Variants in CFAP36 observed in about 807,000 individuals in gnomAD.
CFAP36 encodes the protein cilia- and flagella-associated protein 36.
Under a neutral mutation model 50.5 loss-of-function variants are expected in CFAP36, and 37 were observed. The ratio of observed to expected loss-of-function variants is 0.73; its 90% CI spans 0.56 to 0.96. CFAP36 has a LOEUF of 0.96. Ranked by LOEUF, CFAP36 falls within the 50% of genes least tolerant of loss-of-function variation. The pLI, the probability that CFAP36 is intolerant of heterozygous loss-of-function variation, is 0.00. For synonymous variants in CFAP36, 138 were observed against 128.2 expected (o/e 1.08, Z -0.52); for missense variants, 407 against 396.2 (o/e 1.03, Z -0.23).
chr2:55,524,456 A>C (rs1684150865), intron 3 of CFAP36, among the ~76,000 whole-genome samples: 1 of 121,890 alleles, frequency 8.2e-6, no homozygotes, highest in African/African-American at 3.3e-5. Context: ...TTGTAGAGAC[A>C]GGGTCTTGCT....
At chr2:55,525,873 C>T (rs527443305) in intron 3 of CFAP36, among the ~76,000 whole-genome samples, 141 of 152,292 alleles carry the variant, frequency 9.3e-4, no homozygotes, top group African/African-American at 3.2e-3. Flanking sequence ...GCGATCCACC[C>T]GCCTCGGCCT....
intron 5 of CFAP36, among the ~76,000 whole-genome samples, chr2:55,534,461 T>G (rs1684430453): frequency 1.3e-5 from 2 of 152,186 alleles, no homozygotes; most frequent in African/African-American, 4.8e-5. Context: ...TCTCCTTGTT[T>G]CCCCAGTTAA....
intron 2 of CFAP36, among the ~76,000 whole-genome samples, chr2:55,522,425 T>C (rs1421851695): frequency 6.6e-6 from 1 of 152,238 alleles, no homozygotes; most frequent in Non-Finnish European, 1.5e-5. Context: ...CTTATTCTTA[T>C]TTTGTTGACG....
chr2:55,529,912 G>A (rs140442822), intron 4 of CFAP36, among the ~76,000 whole-genome samples: 347 of 152,272 alleles, frequency 2.3e-3, no homozygotes, highest in African/African-American at 7.8e-3. Context: ...TCCCAACGTG[G>A]CCGGAAGCAG....
chr2:55,541,527 TAAAGG>T (rs976347716), intron 7 of CFAP36, among the ~76,000 whole-genome samples: 1 of 152,240 alleles, frequency 6.6e-6, no homozygotes, highest in African/African-American at 2.4e-5. Context: ...ATTACTGGTA[TAAAGG>T]AAAGTGATAA....
At chr2:55,524,637 A>G (rs1020245767) in intron 3 of CFAP36, among the ~76,000 whole-genome samples, 1 of 152,050 alleles carries the variant, frequency 6.6e-6, no homozygotes, top group African/African-American at 2.4e-5. Flanking sequence ...ATCTCATTTA[A>G]TCTTCCTGAC....
intron 4 of CFAP36, among the ~76,000 whole-genome samples, chr2:55,530,626 C>T (rs1407898665): frequency 1.3e-5 from 2 of 152,188 alleles, no homozygotes; most frequent in African/African-American, 4.8e-5. Flanking sequence ...TGTACCTGAA[C>T]TACATTTAAC....
At chr2:55,540,197 A>G (rs1426447159) in intron 7 of CFAP36, among the ~76,000 whole-genome samples, 1 of 152,184 alleles carries the variant, frequency 6.6e-6, no homozygotes, top group Admixed American at 6.5e-5. Context: ...CAAAAAAGTC[A>G]TCACCATACC....
chr2:55,520,745 GGTA>G (rs779837275), intron 1 of CFAP36, among the ~76,000 whole-genome samples: 19 of 152,174 alleles, frequency 1.2e-4, no homozygotes, highest in Non-Finnish European at 2.4e-4. Flanking sequence ...AGACTTTGAG[GGTA>G]GTAGTATTCA....
At chr2:55,520,048 C>A in intron 1 of CFAP36, 132 bp downstream of exon 1, 1 of 744,994 alleles carries the variant, frequency 1.3e-6, no homozygotes. Flanking sequence ...AGGTCTCGTT[C>A]CCCTCACCAC....
rs776439392 is a variant in CFAP36, at chr2:55,544,261, A to G, written c.819A>G (p.Glu273=). ...GAACAGAAGAACTTCGGCAACGAGA[A>G]CACTATCTCAAGCAGAAGAGAGATA... is the stretch of plus-strand genomic sequence containing the variant. ...VLGTEELRQR[E]HYLKQKRDKL... is the part of the protein sequence containing the mutation. Residue 273 remains glutamate (E), a synonymous_variant, in exon 9 of 10, where the codon GAA becomes GAG. Transcript: ENST00000349456. 2 of 1,613,978 alleles carry G rather than the reference A, an allele frequency of 1.2e-6. No individual in the cohort carries two copies. Among genetic ancestry groups the G allele is most frequent in the Non-Finnish European group, 1.7e-6 (2 of 1,179,958 alleles).
At chr2:55,526,935 G>T (rs1684222069) in intron 3 of CFAP36, among the ~76,000 whole-genome samples, 1 of 152,178 alleles carries the variant, frequency 6.6e-6, no homozygotes, top group Non-Finnish European at 1.5e-5. Flanking sequence ...AGCTGAAGTG[G>T]GAGGATTGCT....
chr2:55,544,982 C>T lies in CFAP36; in HGVS notation c.1003C>T (p.Leu335Phe), dbSNP rs1684733710. The change falls in exon 10 of 10, where the codon CTC (leucine) becomes TTC (phenylalanine). Residue 335 changes from leucine to phenylalanine, a missense_variant. By Grantham distance (22) the Leu-to-Phe change is conservative (BLOSUM62 0). Coordinates refer to ENST00000349456, the MANE Select transcript of CFAP36 (RefSeq NM_080667.7). ...AAAGAGGAGATTGCTTGCAGAGAAA[C>T]TCAAAGAAGAAGTTATTAATAAGTA... ...LLKRRLLAEK[L>F]KEEVINK 6.3e-7 allele frequency: 1 copy of T among 1,594,848 alleles called. No individual in the cohort carries two copies. The highest frequency in any genetic ancestry group is 2.2e-5 in the East Asian group (1 of 44,686).
intron 6 of CFAP36, 22 bp from the exon 7 acceptor site, chr2:55,537,461 A>AT (rs755034586): frequency 2.7e-5 from 41 of 1,522,278 alleles, no homozygotes; most frequent in Non-Finnish European, 3.6e-5. Flanking sequence ...TTTTTAAAAA[A>AT]TTGTATTATG....
At chr2:55,520,439 AAGCCCAGAGCCGGTG>A in intron 1 of CFAP36, 1 of 1,548,810 alleles carries the variant, frequency 6.5e-7, no homozygotes, top group South Asian at 1.2e-5. Flanking sequence ...TAACTCCAGG[AAGCCCAGAGCCGGTG>A]ATTTTGGTGG....
chr2:55,520,431 A>C, intron 1 of CFAP36: 2 of 1,546,782 alleles, frequency 1.3e-6, no homozygotes, highest in Non-Finnish European at 1.7e-6. Flanking sequence ...GCATGTGATA[A>C]CTCCAGGAAG....
At chr2:55,537,400 C>T in intron 6 of CFAP36, 83 bp from the exon 7 acceptor site, 1 of 905,918 alleles carries the variant, frequency 1.1e-6, no homozygotes, top group Non-Finnish European at 1.7e-6. Flanking sequence ...ACTATAATAT[C>T]TTTGGATCCT....
Position 55,544,305 on chromosome 2 carries a change from A to G in CFAP36, c.863A>G (p.Lys288Arg), listed in dbSNP as rs767240767. 22 of 1,614,006 alleles carry G rather than the reference A, an allele frequency of 1.4e-5. 1 individual carries two copies. In the South Asian group the frequency reaches 2.4e-4, roughly 18 times the overall value. The change falls in exon 9 of 10, where the codon AAG becomes AGG. Residue 288 changes from lysine (K) to arginine (R), a missense_variant. Coordinates refer to ENST00000349456, the MANE Select transcript of CFAP36 (RefSeq NM_080667.7). ...AGAGATAAGTTGATGTCCATGAGAAAGGATATGAGGACTAAACAGATACAA... is the reference window on the plus strand; with the variant it reads ...AGAGATAAGTTGATGTCCATGAGAAGGGATATGAGGACTAAACAGATACAA... ...QKRDKLMSMRKDMRTKQIQNM... is the reference protein window; with the variant it reads ...QKRDKLMSMRRDMRTKQIQNM...
chr2:55,529,839 G>A lies in CFAP36; in HGVS notation c.397+847G>A, dbSNP rs181588302. Among the ~76,000 whole-genome samples, 18 of 151,928 alleles carry A rather than the reference G, an allele frequency of 1.2e-4. No homozygotes were observed. In the East Asian group the frequency reaches 3.3e-3, roughly 28 times the overall value. On this transcript the variant is annotated intron_variant, in intron 4 of 9. Coordinates refer to ENST00000349456, the MANE Select transcript of CFAP36 (RefSeq NM_080667.7). ...TTTTTTGTATTTTTAGTAGAGATGG[G>A]GTTTCACCATGTTAGCCAGGATGGT...
Sources: allele counts gnomAD v4.1 joint callset (sites outside exome capture counted in the v4.1 genomes callset), GRCh38; gene constraint gnomAD v4.1.1; transcripts MANE v1.5; gene names NCBI Gene and HGNC (gene_info 2026-07-23, HGNC 2026-07-21).